Variants in CMSS1 observed in about 807,000 individuals in gnomAD.
CMSS1 encodes the protein protein CMSS1.
CMSS1 carries 33 observed loss-of-function variants against 43.5 expected under a neutral mutation model. The ratio of observed to expected loss-of-function variants is 0.76; its 90% confidence interval spans 0.57 to 1.01. The LOEUF (loss-of-function observed/expected upper bound fraction) is 1.01. Among genes scored for constraint, CMSS1 ranks in the 50% least tolerant of loss-of-function variants. The probability of loss-of-function intolerance (pLI) is 0.00; values close to 1 mark genes in which losing one functional copy is unlikely to be tolerated. For missense variants in CMSS1, 313 were observed against 326.4 expected, an observed-to-expected ratio of 0.96 and a Z score of 0.32; for synonymous variants, 115 against 117.2, an observed-to-expected ratio of 0.98 and a Z score of 0.12.
At chr3:100,091,795 C>G (rs1305453193) in intron 1 of CMSS1, among the ~76,000 whole-genome samples, 1 of 152,102 alleles carries the variant, frequency 6.6e-6, no homozygotes, top group Non-Finnish European at 1.5e-5. Context: ...TTCCTTAAGA[C>G]AGGATTATTT....
intron 1 of CMSS1, among the ~76,000 whole-genome samples, chr3:100,096,640 A>G (rs1404354048): frequency 6.6e-6 from 1 of 151,678 alleles, no homozygotes; most frequent in Non-Finnish European, 1.5e-5. Context: ...TGGGGAGGAG[A>G]TGGGGTTAGT....
At chr3:100,110,079 G>A (rs1301341763) in intron 1 of CMSS1, 1 of 151,846 alleles carries the variant, frequency 6.6e-6, no homozygotes, top group Non-Finnish European at 1.5e-5. Context: ...TACACCCCTG[G>A]TAGCTTTGGG....
chr3:100,139,603 A>ATGTG (rs34280079), intron 1 of CMSS1, among the ~76,000 whole-genome samples: 1 of 140,092 alleles, frequency 7.1e-6, no homozygotes, highest in East Asian at 2.1e-4. Flanking sequence ...GTGTGTATAT[A>ATGTG]TGTGTGTGTG....
intron 1 of CMSS1, among the ~76,000 whole-genome samples, chr3:99,853,501 T>C (rs1402864252): frequency 6.6e-6 from 1 of 152,188 alleles, no homozygotes; most frequent in Non-Finnish European, 1.5e-5. Flanking sequence ...GAATGGTGAT[T>C]AGTGAGTGCA....
chr3:99,849,783 T>G lies in CMSS1; in HGVS notation c.64+31740T>G, dbSNP rs150956085. On this transcript the variant is annotated intron_variant, in intron 1 of 9. Transcript: ENST00000421999. ...TTAGCTTCAGTTTCAGTCTTTCCAC[T>G]TCTTGAGAGAGCTCCTTAATCTTAT... is the stretch of plus-strand genomic sequence containing the variant. 60 of 1,613,644 alleles carry G rather than the reference T, an allele frequency of 3.7e-5. No individual in the cohort carries two copies. The East Asian group carries it at 1.3e-3, about 35-fold the overall frequency.
intron 1 of CMSS1, among the ~76,000 whole-genome samples, chr3:100,134,904 G>A (rs2066738188): frequency 6.6e-6 from 1 of 152,200 alleles, no homozygotes; most frequent in African/African-American, 2.4e-5. Flanking sequence ...ATATTGCATA[G>A]TAGTTAAGAG....
chr3:100,074,416 A>G (rs1298420666), intron 1 of CMSS1, among the ~76,000 whole-genome samples: 3 of 152,140 alleles, frequency 2.0e-5, no homozygotes, highest in Non-Finnish European at 4.4e-5. Context: ...TCTGTTTTCC[A>G]GAGGCCTTTT....
intron 1 of CMSS1, among the ~76,000 whole-genome samples, chr3:99,922,332 T>G (rs187155708): frequency 1.2e-3 from 178 of 152,354 alleles, no homozygotes; most frequent in Non-Finnish European, 1.8e-3. Flanking sequence ...TTGTAATGTC[T>G]GAGTCAAATG....
chr3:99,982,787 T>C (rs1015474041), intron 1 of CMSS1, among the ~76,000 whole-genome samples: 4 of 152,236 alleles, frequency 2.6e-5, no homozygotes, highest in Admixed American at 6.5e-5. Context: ...TTCAAAAATG[T>C]GCTTATAAAA....
intron 1 of CMSS1, among the ~76,000 whole-genome samples, chr3:100,033,503 C>G (rs557137650): frequency 6.6e-6 from 1 of 152,332 alleles, no homozygotes; most frequent in South Asian, 2.1e-4. Flanking sequence ...TAAGCAAACA[C>G]TGTCTTCAAG....
intron 1 of CMSS1, among the ~76,000 whole-genome samples, chr3:99,908,876 G>A (rs1173723704): frequency 1.3e-5 from 2 of 152,168 alleles, no homozygotes; most frequent in African/African-American, 2.4e-5. Flanking sequence ...TTCCTATTGT[G>A]TGTGTGTGTG....
chr3:99,893,470 C>G (rs1706156662), intron 1 of CMSS1, among the ~76,000 whole-genome samples: 1 of 152,076 alleles, frequency 6.6e-6, no homozygotes, highest in Non-Finnish European at 1.5e-5. Context: ...CAGCCGGCAT[C>G]TAGACATTTT....
chr3:99,969,607 C>T (rs1166031408), intron 1 of CMSS1, among the ~76,000 whole-genome samples: 4 of 152,114 alleles, frequency 2.6e-5, no homozygotes, highest in Non-Finnish European at 5.9e-5. Context: ...GGTCAAGGAA[C>T]TATGGTTTTC....
rs569135387 is a variant in CMSS1, at chr3:100,149,562, A to G, written c.153+2501A>G. Among the ~76,000 whole-genome samples the G allele has an allele frequency of 3.9e-5, 6 of 152,302 alleles. No individual in the cohort carries two copies. In the South Asian group the frequency reaches 1.2e-3, roughly 32 times the overall value. On this transcript the variant is annotated intron_variant, in intron 2 of 9. Transcript: ENST00000421999. ...ACCACCAAATTGCTTTGAAGAGTCC[A>G]AGTCCTAACCCCTTTCTCCAACCCT... is the stretch of plus-strand genomic sequence containing the variant.
At chr3:100,130,167 T>G (rs1193974178) in intron 1 of CMSS1, among the ~76,000 whole-genome samples, 4 of 152,190 alleles carry the variant, frequency 2.6e-5, no homozygotes, top group Non-Finnish European at 5.9e-5. Context: ...AGCTGTTCCA[T>G]TCCTATAAAG....
At chr3:99,876,006 G>A (rs1475206933) in intron 1 of CMSS1, 1 of 970,276 alleles carries the variant, frequency 1.0e-6, no homozygotes, top group Non-Finnish European at 1.2e-6. Context: ...GCCACCCACA[G>A]ACTTGCTACC....
chr3:99,983,464 G>GTATATA (rs1191587665), intron 1 of CMSS1, among the ~76,000 whole-genome samples: 44 of 12,654 alleles, frequency 3.5e-3, no homozygotes, highest in Non-Finnish European at 6.4e-3. Flanking sequence ...ATATATGTGT[G>GTATATA]TATATATATA....
At chr3:99,940,298 C>T (rs1307035574) in intron 1 of CMSS1, among the ~76,000 whole-genome samples, 1 of 152,194 alleles carries the variant, frequency 6.6e-6, no homozygotes, top group Non-Finnish European at 1.5e-5. Flanking sequence ...CACTTCCAAC[C>T]CTAGATCAGA....
intron 1 of CMSS1, among the ~76,000 whole-genome samples, chr3:99,862,305 G>A (rs1452819252): frequency 6.6e-6 from 1 of 152,172 alleles, no homozygotes; most frequent in African/African-American, 2.4e-5. Context: ...GACAACGTCA[G>A]TCACAATGAG....
Sources: gnomAD v4.1 joint callset for allele counts (sites outside exome capture counted in the v4.1 genomes callset) on GRCh38, gnomAD v4.1.1 for gene constraint, MANE v1.5 for transcripts, NCBI Gene and HGNC (gene_info 2026-07-23, HGNC 2026-07-21) for gene names.